ARSK: variants seen among roughly 807,000 people sequenced by gnomAD.
The protein encoded by ARSK is arylsulfatase family member K, also known as arylsulfatase K.
Under a neutral mutation model 53.2 loss-of-function variants are expected in ARSK, and 37 were observed. The observed-to-expected ratio is 0.70, with a 90% CI of 0.54 to 0.92. The LOEUF (loss-of-function observed/expected upper bound fraction) is 0.92. Ranked by LOEUF, ARSK falls within the 40% of genes least tolerant of loss-of-function variation. The pLI is 0.00. For synonymous variants in ARSK, 208 were observed against 223.2 expected (o/e 0.93, Z 0.61); for missense variants, 613 against 643.0 (o/e 0.95, Z 0.51).
chr5:95,563,499 A>G (rs765982980), intron 1 of ARSK, among the ~76,000 whole-genome samples: 16 of 152,234 alleles, frequency 1.1e-4, no homozygotes, highest in Non-Finnish European at 2.2e-4. Context: ...ACTTTCCCAC[A>G]TGACGGCAGT....
intron 2 of ARSK, 56 bp from the exon 3 acceptor site, chr5:95,567,834 A>C: frequency 6.6e-7 from 1 of 1,518,442 alleles, no homozygotes; most frequent in Admixed American, 2.0e-5. Flanking sequence ...AATTGTCCTA[A>C]TAGTTAAATT....
chr5:95,572,753 G>GC (rs1748857183), intron 3 of ARSK, among the ~76,000 whole-genome samples: 1 of 151,972 alleles, frequency 6.6e-6, no homozygotes, highest in Non-Finnish European at 1.5e-5. Context: ...AGTCCGGCCT[G>GC]GGTGAAAGAG....
chr5:95,588,140 G>T (rs1052735722), intron 5 of ARSK, among the ~76,000 whole-genome samples: 2 of 152,060 alleles, frequency 1.3e-5, no homozygotes, highest in Non-Finnish European at 2.9e-5. Flanking sequence ...GCTGTAGGGA[G>T]TGTGGGAATA....
intron 1 of ARSK, among the ~76,000 whole-genome samples, chr5:95,560,027 A>G (rs1278753696): frequency 1.3e-5 from 2 of 152,242 alleles, no homozygotes; most frequent in African/African-American, 4.8e-5. Context: ...TGTATTTTAT[A>G]TACTTAATTG....
chr5:95,583,355 A>G (rs888356077), intron 4 of ARSK, among the ~76,000 whole-genome samples, 157 bp downstream of exon 4: 41 of 152,294 alleles, frequency 2.7e-4, no homozygotes, highest in Middle Eastern at 3.4e-3. Context: ...TAAAGGGACA[A>G]TTTTACAGAA....
chr5:95,572,150 A>T (rs1748842482), intron 3 of ARSK, among the ~76,000 whole-genome samples: 1 of 152,148 alleles, frequency 6.6e-6, no homozygotes, highest in Non-Finnish European at 1.5e-5. Context: ...GTCCCTTATT[A>T]TATATGACAC....
In ARSK at chr5:95,603,900, T is replaced by C. The variant is rs1185487462; in HGVS notation, c.*374T>C. 6.5e-6 allele frequency: 1 copy of C among 153,292 alleles called. No individual in the cohort carries two copies. Among genetic ancestry groups the C allele is most frequent in the Non-Finnish European group, 1.5e-5 (1 of 68,876 alleles). 9.5% of individuals were successfully genotyped at this position (153,292 alleles called of 1,614,324 possible). A position where few individuals can be genotyped will look rare whatever the true frequency, so the allele number is the denominator to read the frequency against. On this transcript the variant is annotated 3_prime_UTR_variant, in exon 8 of 8. Coordinates refer to ENST00000380009, the MANE Select transcript of ARSK (RefSeq NM_198150.3). ...CCAGCCTGGCAACAGAGTGAGACTG[T>C]GTCGCAAAAAAATAAAAATAAAATA...
At chr5:95,574,904 C>T (rs529748570) in intron 3 of ARSK, among the ~76,000 whole-genome samples, 1 of 152,224 alleles carries the variant, frequency 6.6e-6, no homozygotes, top group South Asian at 2.1e-4. Context: ...GGGTATTACT[C>T]AAGAAATATT....
intron 7 of ARSK, among the ~76,000 whole-genome samples, chr5:95,602,954 C>T (rs942680838): frequency 6.6e-6 from 1 of 151,938 alleles, no homozygotes; most frequent in Non-Finnish European, 1.5e-5. Flanking sequence ...TTGTTCTAAA[C>T]CAGCTTACTA....
chr5:95,587,325 A>G (rs917116559), intron 5 of ARSK, among the ~76,000 whole-genome samples: 4 of 152,226 alleles, frequency 2.6e-5, no homozygotes, highest in Non-Finnish European at 5.9e-5. Context: ...TTATAGAGCT[A>G]TGGAAGTTTC....
chr5:95,567,255 A>C (rs1748739682), intron 2 of ARSK, among the ~76,000 whole-genome samples: 1 of 152,246 alleles, frequency 6.6e-6, no homozygotes, highest in Non-Finnish European at 1.5e-5. Flanking sequence ...TTTGTCAAAG[A>C]CCACTCAGTA....
At chr5:95,570,336 G>A (rs1433483299) in intron 3 of ARSK, among the ~76,000 whole-genome samples, 1 of 152,088 alleles carries the variant, frequency 6.6e-6, no homozygotes, top group East Asian at 1.9e-4. Context: ...CTGGACTATT[G>A]CATGAGCTAG....
In ARSK at chr5:95,597,853, C is replaced by CA. The variant is rs111524926; in HGVS notation, c.1097-2993dup. 2.7e-3 allele frequency among the ~76,000 whole-genome samples: 403 copies of CA among 148,766 alleles called. 2 individuals are homozygous for CA. The highest frequency in any genetic ancestry group is 9.1e-3 in the African/African-American group (363 of 39,898). On this transcript the variant is annotated intron_variant, in intron 6 of 7. Coordinates refer to ENST00000380009, the MANE Select transcript of ARSK (RefSeq NM_198150.3). ...AGGTTGCAGTGAGCCAAGATTGCGCCACTGCACTCCAGCCTGGGTGACAGA... is the reference window on the plus strand; with the variant it reads ...AGGTTGCAGTGAGCCAAGATTGCGCCAACTGCACTCCAGCCTGGGTGACAGA...
At chr5:95,600,666 G>A (rs1039824118) in intron 6 of ARSK, 181 bp from the exon 7 acceptor site, 15 of 707,864 alleles carry the variant, frequency 2.1e-5, no homozygotes, top group Non-Finnish European at 3.1e-5. Flanking sequence ...ACTTGCTGAA[G>A]TCCACATGGC....
chr5:95,574,921 G>C (rs1001859297), intron 3 of ARSK, among the ~76,000 whole-genome samples: 2 of 152,080 alleles, frequency 1.3e-5, no homozygotes, highest in Non-Finnish European at 1.5e-5. Context: ...TATTTGTCCA[G>C]TCCAGTGTCC....
chr5:95,597,443 G>A (rs890178677), intron 6 of ARSK, among the ~76,000 whole-genome samples: 1 of 152,110 alleles, frequency 6.6e-6, no homozygotes, highest in Non-Finnish European at 1.5e-5. Flanking sequence ...TTATGAAGTT[G>A]GCTAACTACA....
Position 95,587,781 on chromosome 5 carries a change from G to A in ARSK, c.871+1048G>A, listed in dbSNP as rs544575438. On this transcript the variant is annotated intron_variant, in intron 5 of 7. Transcript: ENST00000380009. ...TTTAGCCGGGTGTGGTGGCACGCAC[G>A]TGTGATCCCAGCTACTTGGGAGACT... 3.9e-5 allele frequency among the ~76,000 whole-genome samples: 6 copies of A among 151,964 alleles called. No individual in the cohort carries two copies. The East Asian group carries it at 9.7e-4, about 25-fold the overall frequency.
intron 3 of ARSK, among the ~76,000 whole-genome samples, chr5:95,569,125 C>T (rs942350882): frequency 6.6e-6 from 1 of 152,086 alleles, no homozygotes; most frequent in African/African-American, 2.4e-5. Context: ...CCTGCAATTC[C>T]TCCTACTGAA....
intron 2 of ARSK, 108 bp downstream of exon 2, chr5:95,566,235 A>G: frequency 7.3e-7 from 1 of 1,367,758 alleles, no homozygotes; most frequent in Non-Finnish European, 9.9e-7. Flanking sequence ...TGGCCTCAAT[A>G]AAATTGTTTT....
Sources: allele counts gnomAD v4.1 joint callset (sites outside exome capture counted in the v4.1 genomes callset), GRCh38; gene constraint gnomAD v4.1.1; transcripts MANE v1.5; gene names NCBI Gene and HGNC (gene_info 2026-07-23, HGNC 2026-07-21).